The following IGSF5 variants were observed in gnomAD, a reference collection of about 807,000 sequenced individuals.
IGSF5 encodes immunoglobulin superfamily 5 like.
A neutral mutation model predicts 39.4 loss-of-function variants in IGSF5; 41 were observed. That is an observed-to-expected ratio of 1.04 (90% CI 0.81 to 1.35). The LOEUF (loss-of-function observed/expected upper bound fraction) is 1.35, where lower values mean the gene tolerates loss of function less well. Among genes scored for constraint, IGSF5 ranks in the 40% most tolerant of loss-of-function variants. IGSF5 has a pLI of 0.00. For synonymous variants in IGSF5, 183 were observed against 175.3 expected (o/e 1.04, Z -0.34); for missense variants, 487 against 494.6 (o/e 0.98, Z 0.15).
chr21:39,716,500 C>T, the IGSF5 span, among the ~76,000 whole-genome samples: 1 of 152,114 alleles, frequency 6.6e-6, no homozygotes, highest in Non-Finnish European at 1.5e-5. Context: ...TCTCCTCCCA[C>T]CCTCTCCGCT....
upstream of IGSF5, among the ~76,000 whole-genome samples, chr21:39,741,936 G>A (rs1445998625): frequency 6.6e-6 from 1 of 152,016 alleles, no homozygotes; most frequent in African/African-American, 2.4e-5. Flanking sequence ...TCCTAAAATT[G>A]GAGTATTGCA....
chr21:39,740,252 G>A (rs946730211), upstream of IGSF5, among the ~76,000 whole-genome samples: 1 of 152,082 alleles, frequency 6.6e-6, no homozygotes, highest in East Asian at 1.9e-4. Flanking sequence ...AGCTCTTTTG[G>A]CTTCAATATC....
chr21:39,783,047 G>C (rs1273492450), intron 5 of IGSF5, among the ~76,000 whole-genome samples: 1 of 152,080 alleles, frequency 6.6e-6, no homozygotes, highest in East Asian at 1.9e-4. Context: ...TCCATGTGCT[G>C]TGGATTTCAT....
At chr21:39,734,909 G>A in the IGSF5 span, among the ~76,000 whole-genome samples, 5 of 152,106 alleles carry the variant, frequency 3.3e-5, 1 homozygote, top group East Asian at 9.7e-4. Context: ...TGTCACCCAG[G>A]CTGGAGTGCA....
intron 8 of IGSF5, among the ~76,000 whole-genome samples, chr21:39,797,562 G>T (rs1396755901): frequency 6.6e-6 from 1 of 152,066 alleles, no homozygotes; most frequent in African/African-American, 2.4e-5. Flanking sequence ...TGTTGCCCAG[G>T]CTGGATTGCA....
chr21:39,727,114 T>C, the IGSF5 span, among the ~76,000 whole-genome samples: 1 of 151,972 alleles, frequency 6.6e-6, no homozygotes, highest in East Asian at 1.9e-4. Context: ...GGAAACCAAA[T>C]CTTGGAAGTA....
intron 8 of IGSF5, among the ~76,000 whole-genome samples, chr21:39,796,945 T>A (rs1242423500): frequency 1.3e-5 from 2 of 152,204 alleles, no homozygotes; most frequent in African/African-American, 4.8e-5. Context: ...TTTGGTTTTG[T>A]GAACAGGACG....
At chr21:39,737,442 C>G in the IGSF5 span, among the ~76,000 whole-genome samples, 1 of 152,000 alleles carries the variant, frequency 6.6e-6, no homozygotes, top group Non-Finnish European at 1.5e-5. Context: ...AAGACAGACC[C>G]CCTGTACTTT....
chr21:39,793,795 G>C (rs1179477118), intron 8 of IGSF5, among the ~76,000 whole-genome samples, 182 bp downstream of exon 8: 1 of 152,162 alleles, frequency 6.6e-6, no homozygotes, highest in African/African-American at 2.4e-5. Context: ...ACTGTTTCTT[G>C]CCCTCAGTAG....
At chr21:39,728,591 G>A in the IGSF5 span, among the ~76,000 whole-genome samples, 24 of 152,138 alleles carry the variant, frequency 1.6e-4, no homozygotes, top group Non-Finnish European at 3.1e-4. Flanking sequence ...TGACGCACTC[G>A]CTCTTTCTGC....
intron 2 of IGSF5, 122 bp from the exon 3 acceptor site, chr21:39,765,413 A>T (rs2146279558): frequency 7.3e-6 from 6 of 822,862 alleles, no homozygotes; most frequent in Non-Finnish European, 1.1e-5. Context: ...CAAAAGACAC[A>T]GTCTGAGTCA....
intron 8 of IGSF5, 120 bp downstream of exon 8, chr21:39,793,733 T>C (rs2086979220): frequency 2.6e-6 from 2 of 782,798 alleles, no homozygotes; most frequent in Non-Finnish European, 4.4e-6. Flanking sequence ...ATGTTGCCTT[T>C]CCTCCCCTCC....
chr21:39,748,301 C>CTGTTTTTTTTT (rs2079985792), intron 2 of IGSF5, among the ~76,000 whole-genome samples: 1 of 58,216 alleles, frequency 1.7e-5, no homozygotes, highest in African/African-American at 6.5e-5. Flanking sequence ...AAAACAAGAT[C>CTGTTTTTTTTT]TTTTTTTTTT....
chr21:39,739,142 C>T, the IGSF5 span, among the ~76,000 whole-genome samples: 1 of 152,034 alleles, frequency 6.6e-6, no homozygotes, highest in Non-Finnish European at 1.5e-5. Context: ...ATTGGTCAGG[C>T]TGATCTTGAA....
chr21:39,750,361 C>G (rs421549), intron 2 of IGSF5, among the ~76,000 whole-genome samples: 107,719 of 151,924 alleles, frequency 0.71, 40,899 homozygotes, highest in Non-Finnish European at 0.84. Context: ...GCAGACCTTT[C>G]ACTGGGTGTG....
the IGSF5 span, among the ~76,000 whole-genome samples, chr21:39,736,366 C>G: frequency 1.3e-5 from 2 of 152,120 alleles, no homozygotes; most frequent in Non-Finnish European, 2.9e-5. Context: ...ATAGCATAGG[C>G]TAAAAATGTT....
intron 2 of IGSF5, among the ~76,000 whole-genome samples, chr21:39,753,929 T>G (rs200352520): frequency 2.7e-5 from 4 of 147,392 alleles, no homozygotes; most frequent in Non-Finnish European, 6.0e-5. Context: ...TGTTTTTTTG[T>G]TTTTTTTTAG....
the IGSF5 span, among the ~76,000 whole-genome samples, chr21:39,731,686 G>C: frequency 6.6e-6 from 1 of 152,152 alleles, no homozygotes; most frequent in Admixed American, 6.5e-5. Flanking sequence ...AGTGAATTCA[G>C]CTCACAAACT....
chr21:39,770,875 A>C, intron 3 of IGSF5, 41 bp from the exon 4 acceptor site: 1 of 1,292,398 alleles, frequency 7.7e-7, no homozygotes, highest in Non-Finnish European at 1.0e-6. Context: ...AGCGAGAGGC[A>C]TGGTCATGTC....
Sources: gnomAD v4.1 joint callset for allele counts (sites outside exome capture counted in the v4.1 genomes callset) on GRCh38, gnomAD v4.1.1 for gene constraint, MANE v1.5 for transcripts, NCBI Gene and HGNC (gene_info 2026-07-23, HGNC 2026-07-21) for gene names.